The following CLASP1 variants were observed in gnomAD, a reference collection of about 807,000 sequenced individuals.
CLASP1 encodes CLIP-associating protein 1.
A neutral mutation model predicts 192.3 loss-of-function variants in CLASP1; 38 were observed. That is an observed-to-expected ratio of 0.20 (90% CI 0.15 to 0.26). The LOEUF (loss-of-function observed/expected upper bound fraction) is 0.26, where lower values mean the gene tolerates loss of function less well. Among genes scored for constraint, CLASP1 ranks in the 10% least tolerant of loss-of-function variants. The probability of loss-of-function intolerance (pLI) is 1.00; values close to 1 mark genes in which losing one functional copy is unlikely to be tolerated. For missense variants in CLASP1, 1,433 were observed against 1,932.5 expected (o/e 0.74, Z 4.85); for synonymous variants, 691 against 712.8 (o/e 0.97, Z 0.49).
intron 1 of CLASP1, among the ~76,000 whole-genome samples, chr2:121,627,184 C>T (rs1367595406): frequency 6.6e-6 from 1 of 152,136 alleles, no homozygotes; most frequent in Non-Finnish European, 1.5e-5. Flanking sequence ...GGAGAAACAA[C>T]AAAATATGCG....
rs558078872 is a variant in CLASP1 at position 121,342,205 on chromosome 2, T to C, written c.4531-1258A>G. 5.9e-5 allele frequency among the ~76,000 whole-genome samples: 9 copies of C among 152,150 alleles called. No homozygotes were observed. The East Asian group carries it at 1.7e-3, about 29-fold the overall frequency. On this transcript the variant is annotated intron_variant, in intron 39 of 39. Coordinates refer to ENST00000263710, the Ensembl canonical transcript of CLASP1. The stretch of plus-strand genomic sequence containing the variant: ...GGCACAACCTCAGCTCACTGCAGCC[T>C]TGACCTTCCAGGATCAGGTGATCCT...
intron 2 of CLASP1, among the ~76,000 whole-genome samples, chr2:121,583,606 A>C (rs920109049): frequency 1.3e-5 from 2 of 152,156 alleles, no homozygotes; most frequent in Non-Finnish European, 2.9e-5. Context: ...CTCAAGCAAA[A>C]TCATCTCCCT....
intron 39 of CLASP1, among the ~76,000 whole-genome samples, chr2:121,345,497 T>C (rs2149104874): frequency 6.6e-6 from 1 of 152,356 alleles, no homozygotes; most frequent in Admixed American, 6.5e-5. Flanking sequence ...TTTATAAATG[T>C]AATTCCCTTT....
chr2:121,386,325 A>G (rs190752802), intron 32 of CLASP1, among the ~76,000 whole-genome samples: 259 of 152,318 alleles, frequency 1.7e-3, no homozygotes, highest in Non-Finnish European at 3.1e-3. Flanking sequence ...TAGTGATCCC[A>G]AAGAGTTAAT....
chr2:121,614,008 G>A (rs1441335861), intron 1 of CLASP1, among the ~76,000 whole-genome samples: 1 of 152,092 alleles, frequency 6.6e-6, no homozygotes, highest in Admixed American at 6.6e-5. Context: ...GCTGGCTGTT[G>A]GCTGGGCCTC....
intron 8 of CLASP1, among the ~76,000 whole-genome samples, chr2:121,484,004 C>T (rs1268724208): frequency 6.6e-6 from 1 of 152,136 alleles, no homozygotes; most frequent in East Asian, 1.9e-4. Flanking sequence ...GCCGGGTATA[C>T]AGGCCACACA....
chr2:121,526,943 C>T (rs527789695), intron 5 of CLASP1, among the ~76,000 whole-genome samples: 24 of 152,248 alleles, frequency 1.6e-4, no homozygotes, highest in Non-Finnish European at 2.9e-4. Context: ...TGAGGTATTA[C>T]TACACACATA....
In CLASP1 at chr2:121,578,422, C is replaced by CA. The variant is rs70954557; in HGVS notation, c.195+27278dup. On this transcript the variant is annotated intron_variant, in intron 2 of 39. Coordinates refer to ENST00000263710, the Ensembl canonical transcript of CLASP1. The stretch of plus-strand genomic sequence containing the variant: ...GGACAACACAGTGAGAGACTATCTC[C>CA]AAAAAAAAAAAAAAAAAAAAAAAAG... Among the ~76,000 whole-genome samples, 607 of 65,596 alleles carry CA rather than the reference C, an allele frequency of 9.3e-3. 2 individuals carry two copies. Among genetic ancestry groups the CA allele is most frequent in the East Asian group, 0.012 (23 of 1,930 alleles). The allele number at this position is 65,596 out of a possible 152,430, so 43.0% of individuals were successfully genotyped here.
chr2:121,526,179 C>A (rs79363268), intron 5 of CLASP1, among the ~76,000 whole-genome samples: 2,086 of 152,334 alleles, frequency 0.014, 43 homozygotes, highest in African/African-American at 0.047. Flanking sequence ...TGGCCCTAAC[C>A]CTTTAAGGCT....
At chr2:121,478,784 CCA>C (rs1169549632) in intron 8 of CLASP1, among the ~76,000 whole-genome samples, 2 of 29,610 alleles carry the variant, frequency 6.8e-5, no homozygotes, top group Non-Finnish European at 1.5e-4. Flanking sequence ...CACACACACC[CCA>C]CACACACCAC....
At chr2:121,598,065 G>C (rs528417564) in intron 2 of CLASP1, among the ~76,000 whole-genome samples, 43 of 152,306 alleles carry the variant, frequency 2.8e-4, no homozygotes, top group Admixed American at 6.5e-4. Context: ...CCAGATCAAT[G>C]AGGACAGCCA....
intron 37 of CLASP1, among the ~76,000 whole-genome samples, chr2:121,349,017 G>A (rs2063846817): frequency 6.6e-6 from 1 of 152,100 alleles, no homozygotes; most frequent in African/African-American, 2.4e-5. Context: ...GAGGTGGGCG[G>A]ATCACGAGGT....
At chr2:121,546,696 A>G (rs1458223040) in intron 2 of CLASP1, among the ~76,000 whole-genome samples, 2 of 152,094 alleles carry the variant, frequency 1.3e-5, no homozygotes, top group Non-Finnish European at 2.9e-5. Flanking sequence ...GTAGTTTCTC[A>G]GGCGCAAACA....
chr2:121,528,586 C>T lies in CLASP1; in HGVS notation c.378+91G>A, dbSNP rs1236007782. 5 of 950,134 alleles carry T rather than the reference C, an allele frequency of 5.3e-6. No homozygotes were observed. The East Asian group carries it at 9.6e-5, about 18-fold the overall frequency. The allele number at this position is 950,134 out of a possible 1,614,324, so 58.9% of individuals were successfully genotyped here. On this transcript the variant is annotated intron_variant, in intron 4 of 39. Transcript: ENST00000263710. ...ATACATCAGCTTAAGTCTATGGAGT[C>T]ACACCATTTGTGCAAGTACACACAC...
intron 2 of CLASP1, among the ~76,000 whole-genome samples, chr2:121,585,772 C>G (rs1313347106): frequency 1.3e-5 from 2 of 152,008 alleles, no homozygotes; most frequent in African/African-American, 4.8e-5. Context: ...TCGTGCGTAC[C>G]TGTAGTCCCA....
At chr2:121,616,924 GAAGA>G (rs1287112856) in intron 1 of CLASP1, among the ~76,000 whole-genome samples, 1 of 152,242 alleles carries the variant, frequency 6.6e-6, no homozygotes, top group Non-Finnish European at 1.5e-5. Context: ...CTGCCTGAAA[GAAGA>G]AAGAGACAAA....
At chr2:121,591,266 T>C (rs1218331843) in intron 2 of CLASP1, among the ~76,000 whole-genome samples, 2 of 152,206 alleles carry the variant, frequency 1.3e-5, no homozygotes, top group African/African-American at 4.8e-5. Context: ...AGGCTATCCA[T>C]AGCCAATAAA....
At chr2:121,527,753 T>A (rs532689978) in intron 5 of CLASP1, 46 bp downstream of exon 5, 63 of 1,425,854 alleles carry the variant, frequency 4.4e-5, no homozygotes, top group Non-Finnish European at 5.7e-5. Flanking sequence ...TAAAAAGTTT[T>A]AAAAAATTCA....
At chr2:121,377,693 A>G (rs2070580077) in intron 33 of CLASP1, 44 bp from the exon 35 acceptor site, 3 of 1,387,912 alleles carry the variant, frequency 2.2e-6, no homozygotes, top group Non-Finnish European at 2.0e-6. Context: ...AGGCATATAC[A>G]TAGAACTGAG....
Sources: gnomAD v4.1 joint callset for allele counts (sites outside exome capture counted in the v4.1 genomes callset) on GRCh38, gnomAD v4.1.1 for gene constraint, MANE v1.5 for transcripts, NCBI Gene and HGNC (gene_info 2026-07-23, HGNC 2026-07-21) for gene names.